PARN: variants seen among roughly 807,000 people sequenced by gnomAD.
PARN encodes the protein poly(A)-specific ribonuclease PARN.
In PARN, 71 loss-of-function variants were observed where a neutral mutation model predicts 102.8. The ratio of observed to expected loss-of-function variants is 0.69; its 90% CI spans 0.57 to 0.84. The LOEUF (loss-of-function observed/expected upper bound fraction) is 0.84. Among genes scored for constraint, PARN ranks in the 40% least tolerant of loss-of-function variants. The pLI is 0.00. For missense variants in PARN, 782 were observed against 760.9 expected, an observed-to-expected ratio of 1.03 and a Z score of -0.33; for synonymous variants, 261 against 252.9, an observed-to-expected ratio of 1.03 and a Z score of -0.30.
At chr16:14,501,993 G>T (rs1043320174) in intron 21 of PARN, among the ~76,000 whole-genome samples, 8 of 152,184 alleles carry the variant, frequency 5.3e-5, no homozygotes, top group Admixed American at 4.6e-4. Flanking sequence ...AAAAAATGTG[G>T]TTTTGACTGG....
intron 13 of PARN, 37 bp downstream of exon 13, chr16:14,593,264 C>A: frequency 9.3e-7 from 1 of 1,078,458 alleles, no homozygotes; most frequent in Non-Finnish European, 1.4e-6. Context: ...TAAAAAGAAT[C>A]CTGCTAATAT....
intron 16 of PARN, 134 bp downstream of exon 16, chr16:14,584,213 G>A (rs986486594): frequency 1.8e-5 from 10 of 555,158 alleles, no homozygotes; most frequent in Admixed American, 1.0e-4. Context: ...TTCAACACAC[G>A]GTACGTGCAA....
intron 21 of PARN, among the ~76,000 whole-genome samples, chr16:14,543,510 C>T (rs1966853967): frequency 6.6e-6 from 1 of 152,160 alleles, no homozygotes; most frequent in Non-Finnish European, 1.5e-5. Flanking sequence ...AGATGTAATA[C>T]ATATGCCCAA....
intron 21 of PARN, among the ~76,000 whole-genome samples, chr16:14,518,477 AC>A (rs1474037968): frequency 6.6e-6 from 1 of 152,100 alleles, no homozygotes; most frequent in Non-Finnish European, 1.5e-5. Flanking sequence ...GCAAAATCCC[AC>A]ACTATGCCAT....
chr16:14,529,504 C>A (rs906888753), intron 21 of PARN, among the ~76,000 whole-genome samples: 6 of 152,156 alleles, frequency 3.9e-5, no homozygotes, highest in Non-Finnish European at 8.8e-5. Context: ...CACTTCTGGG[C>A]ACACTGCAGC....
At chr16:14,571,661 C>T (rs1269853013) in intron 18 of PARN, among the ~76,000 whole-genome samples, 1 of 152,180 alleles carries the variant, frequency 6.6e-6, no homozygotes, top group Non-Finnish European at 1.5e-5. Flanking sequence ...AACTATGTCA[C>T]CACAGCAGTG....
At chr16:14,565,697 T>C (rs373173120) in intron 18 of PARN, among the ~76,000 whole-genome samples, 3 of 152,324 alleles carry the variant, frequency 2.0e-5, no homozygotes, top group East Asian at 3.9e-4. Context: ...TAAAAAGATA[T>C]GCCACCAACT....
chr16:14,456,984 G>A (rs1340096978), intron 22 of PARN, among the ~76,000 whole-genome samples: 1 of 152,074 alleles, frequency 6.6e-6, no homozygotes, highest in Admixed American at 6.5e-5. Context: ...ATGAGAGCAG[G>A]CTCTTACACT....
At chr16:14,627,814 C>T (rs1394505434) in intron 3 of PARN, among the ~76,000 whole-genome samples, 9 of 151,970 alleles carry the variant, frequency 5.9e-5, no homozygotes, top group Admixed American at 1.3e-4. Flanking sequence ...AAAGTGAGAC[C>T]GATCTCTACA....
At chr16:14,610,210 T>C (rs903960387) in intron 7 of PARN, among the ~76,000 whole-genome samples, 5 of 152,226 alleles carry the variant, frequency 3.3e-5, no homozygotes, top group Middle Eastern at 3.2e-3. Context: ...TGCTGGCTCA[T>C]GCCTGTAATC....
chr16:14,584,494 C>CG (rs202183611), intron 15 of PARN, 72 bp from the exon 16 acceptor site: 1 of 1,213,896 alleles, frequency 8.2e-7, no homozygotes, highest in Admixed American at 2.0e-5. Context: ...ATTCACTGAC[C>CG]CCCCCAAAAA....
chr16:14,595,115 TATC>T (rs1205580546), intron 12 of PARN, among the ~76,000 whole-genome samples: 2 of 152,224 alleles, frequency 1.3e-5, no homozygotes, highest in African/African-American at 4.8e-5. Context: ...TCATAAATGT[TATC>T]ATTTCATCAA....
intron 21 of PARN, among the ~76,000 whole-genome samples, chr16:14,491,951 C>T (rs1964080248): frequency 6.6e-6 from 1 of 152,182 alleles, no homozygotes; most frequent in South Asian, 2.1e-4. Context: ...AAAAAAGTGC[C>T]TGGACTGGAA....
At chr16:14,597,946 C>T (rs1168548586) in intron 12 of PARN, among the ~76,000 whole-genome samples, 3 of 151,968 alleles carry the variant, frequency 2.0e-5, no homozygotes, top group African/African-American at 7.2e-5. Flanking sequence ...GAGTTCGAGG[C>T]CAGCCTGGCC....
At chr16:14,519,134 T>C (rs1489365131) in intron 21 of PARN, among the ~76,000 whole-genome samples, 3 of 151,890 alleles carry the variant, frequency 2.0e-5, no homozygotes, top group African/African-American at 7.3e-5. Flanking sequence ...GGATTCTTGC[T>C]ATGAGAGAAA....
At chr16:14,604,292 C>T in intron 10 of PARN, 66 bp from the exon 11 acceptor site, 1 of 1,012,128 alleles carries the variant, frequency 9.9e-7, no homozygotes, top group African/African-American at 1.6e-5. Flanking sequence ...CAGAGTTTCG[C>T]TCTTGTTGCT....
chr16:14,479,508 A>C (rs1010138233), intron 22 of PARN, among the ~76,000 whole-genome samples: 2 of 152,178 alleles, frequency 1.3e-5, no homozygotes, highest in African/African-American at 4.8e-5. Context: ...CTTACTGAAG[A>C]AACTGGCAAG....
chr16:14,544,897 TAGA>T (rs1966870354), intron 21 of PARN, among the ~76,000 whole-genome samples: 1 of 152,064 alleles, frequency 6.6e-6, no homozygotes, highest in African/African-American at 2.4e-5. Context: ...AGTGAAGATA[TAGA>T]ATAAGACTGG....
Position 14,596,719 on chromosome 16 carries a change from G to C in PARN, c.840+3185C>G, listed in dbSNP as rs566509962. 4.1e-3 allele frequency among the ~76,000 whole-genome samples: 621 copies of C among 152,076 alleles called. 2 individuals carry two copies. The highest frequency in any genetic ancestry group is 9.0e-3 in the Admixed American group (137 of 15,250). On this transcript the variant is annotated intron_variant, in intron 12 of 23. Coordinates refer to ENST00000437198, the MANE Select transcript of PARN (RefSeq NM_002582.4). ...CAGTGTACTCCCAGCTTGGGGAACA[G>C]ACAGAGACTGTGTCTCAAAATTAAA...
Sources: allele counts gnomAD v4.1 joint callset (sites outside exome capture counted in the v4.1 genomes callset), GRCh38; gene constraint gnomAD v4.1.1; transcripts MANE v1.5; gene names NCBI Gene and HGNC (gene_info 2026-07-23, HGNC 2026-07-21).